The following PIP5K1B variants were observed in gnomAD, a reference collection of about 807,000 sequenced individuals.
PIP5K1B encodes phosphatidylinositol 4-phosphate 5-kinase type-1 beta.
PIP5K1B carries 42 observed loss-of-function variants against 67.0 expected under a neutral mutation model. The ratio of observed to expected loss-of-function variants is 0.63; its 90% CI spans 0.49 to 0.81. The LOEUF (loss-of-function observed/expected upper bound fraction) is 0.81, where lower values mean the gene tolerates loss of function less well. PIP5K1B is among the 30% of genes least tolerant of loss of function. The pLI is 0.00. For missense variants in PIP5K1B, 459 were observed against 646.3 expected, an observed-to-expected ratio of 0.71 and a Z score of 3.14; for synonymous variants, 214 against 231.4, an observed-to-expected ratio of 0.92 and a Z score of 0.68.
intron 2 of PIP5K1B, among the ~76,000 whole-genome samples, chr9:68,801,556 C>G (rs1047931797): frequency 1.2e-4 from 18 of 152,056 alleles, no homozygotes; most frequent in African/African-American, 4.1e-4. Flanking sequence ...TTCGTACTTT[C>G]AAAACCACAG....
At chr9:68,863,407 A>T (rs1376445426) in intron 4 of PIP5K1B, among the ~76,000 whole-genome samples, 1 of 152,100 alleles carries the variant, frequency 6.6e-6, no homozygotes, top group East Asian at 1.9e-4. Context: ...ATACTCATAC[A>T]CACACACATA....
At chr9:68,816,209 T>G (rs530134555) in intron 2 of PIP5K1B, among the ~76,000 whole-genome samples, 1 of 152,030 alleles carries the variant, frequency 6.6e-6, no homozygotes, top group Non-Finnish European at 1.5e-5. Flanking sequence ...GCTCACTACA[T>G]CCTCTGCCTC....
chr9:68,940,875 GTC>G (rs1167131665), intron 14 of PIP5K1B, 85 bp downstream of exon 14: 39 of 1,236,982 alleles, frequency 3.2e-5, no homozygotes, highest in Non-Finnish European at 4.5e-5. Flanking sequence ...ATGAGGACAC[GTC>G]TCTAACAACC....
rs189455489 is a variant in PIP5K1B, at chr9:68,944,757, G to T, written c.1502+3967G>T. Among the ~76,000 whole-genome samples, 6 of 152,230 alleles carry T rather than the reference G, an allele frequency of 3.9e-5. No homozygotes were observed. In the East Asian group the frequency reaches 1.2e-3, roughly 29 times the overall value. ...GTGTCATAAACCTAGAACAGGGGTGGAAACACTCTAACCAGAAGCCCTTCC... is the reference window on the plus strand; with the variant it reads ...GTGTCATAAACCTAGAACAGGGGTGTAAACACTCTAACCAGAAGCCCTTCC... On this transcript the variant is annotated intron_variant, in intron 14 of 15. Coordinates refer to ENST00000265382, the MANE Select transcript of PIP5K1B (RefSeq NM_003558.4).
chr9:68,985,814 T>G (rs897637228), intron 14 of PIP5K1B, among the ~76,000 whole-genome samples: 7 of 152,250 alleles, frequency 4.6e-5, no homozygotes, highest in Non-Finnish European at 8.8e-5. Flanking sequence ...CTTTTCTGTC[T>G]CCTTAGATTT....
At chr9:68,811,295 C>T (rs957264247) in intron 2 of PIP5K1B, among the ~76,000 whole-genome samples, 6 of 152,074 alleles carry the variant, frequency 3.9e-5, no homozygotes, top group Admixed American at 1.3e-4. Context: ...ATCATTGGGT[C>T]GTTTGTCCTT....
In PIP5K1B at chr9:68,801,352, C is replaced by T. The variant is rs959171519; in HGVS notation, c.-85-17109C>T. Among the ~76,000 whole-genome samples, 26 of 152,132 alleles carry T rather than the reference C, an allele frequency of 1.7e-4. No homozygotes were observed. In the East Asian group the frequency reaches 4.6e-3, roughly 27 times the overall value. On this transcript the variant is annotated intron_variant, in intron 2 of 15. Transcript: ENST00000265382. ...TTTCATATTGGATTGCTAATAATCACAACAATGCTAAATACTTCCTGGATT... is the reference window on the plus strand; with the variant it reads ...TTTCATATTGGATTGCTAATAATCATAACAATGCTAAATACTTCCTGGATT...
At chr9:68,818,948 C>T (rs189517088) in intron 3 of PIP5K1B, among the ~76,000 whole-genome samples, 1 of 152,172 alleles carries the variant, frequency 6.6e-6, no homozygotes, top group African/African-American at 2.4e-5. Flanking sequence ...GTCTTTCCTC[C>T]TTCCTTTTAT....
intron 12 of PIP5K1B, among the ~76,000 whole-genome samples, chr9:68,933,263 A>G (rs780497657): frequency 3.3e-5 from 5 of 149,676 alleles, no homozygotes; most frequent in African/African-American, 4.9e-5. Context: ...TGTTCAGCAC[A>G]TGTATCCCAG....
At chr9:68,708,070 C>T (rs1320498534) in intron 1 of PIP5K1B, 2 of 152,180 alleles carry the variant, frequency 1.3e-5, no homozygotes, top group East Asian at 3.8e-4. Context: ...CCCTTCCCCC[C>T]TTTACTACAT....
At chr9:68,712,994 T>G (rs1359782793) in intron 1 of PIP5K1B, among the ~76,000 whole-genome samples, 2 of 152,246 alleles carry the variant, frequency 1.3e-5, no homozygotes, top group African/African-American at 4.8e-5. Context: ...TGGTATTTAT[T>G]TGAACATCAG....
intron 2 of PIP5K1B, among the ~76,000 whole-genome samples, chr9:68,797,440 T>C (rs1367173255): frequency 6.6e-6 from 1 of 152,232 alleles, no homozygotes; most frequent in Non-Finnish European, 1.5e-5. Flanking sequence ...ATTTAAAACA[T>C]TTGGAGTAAG....
intron 15 of PIP5K1B, among the ~76,000 whole-genome samples, chr9:69,001,500 G>A (rs745555569): frequency 1.3e-5 from 2 of 152,116 alleles, no homozygotes; most frequent in African/African-American, 2.4e-5. Flanking sequence ...ATAAAGGAAA[G>A]CGGTTTAATT....
chr9:68,856,066 A>G (rs1435421687), intron 4 of PIP5K1B, among the ~76,000 whole-genome samples: 1 of 151,944 alleles, frequency 6.6e-6, no homozygotes, highest in Non-Finnish European at 1.5e-5. Flanking sequence ...CTGCTACGCT[A>G]AGTAGCAGCC....
intron 2 of PIP5K1B, among the ~76,000 whole-genome samples, chr9:68,804,846 G>C (rs969711893): frequency 6.6e-6 from 1 of 152,204 alleles, no homozygotes; most frequent in Admixed American, 6.5e-5. Flanking sequence ...ACTTGGAGTT[G>C]TTGGAAGAAT....
intron 1 of PIP5K1B, among the ~76,000 whole-genome samples, chr9:68,711,321 T>C (rs548971685): frequency 5.9e-5 from 9 of 152,364 alleles, no homozygotes; most frequent in African/African-American, 2.2e-4. Context: ...CTTGATCATA[T>C]GTTTGGTAAT....
chr9:68,923,750 G>A (rs994045623), intron 12 of PIP5K1B, among the ~76,000 whole-genome samples: 1 of 152,120 alleles, frequency 6.6e-6, no homozygotes, highest in Non-Finnish European at 1.5e-5. Context: ...TACCTTAAAT[G>A]CACAGCAGAA....
chr9:68,844,442 C>G (rs1265689072), intron 4 of PIP5K1B, among the ~76,000 whole-genome samples: 3 of 152,096 alleles, frequency 2.0e-5, no homozygotes, highest in East Asian at 3.9e-4. Flanking sequence ...GCAGCAGGAG[C>G]CAATAATCGT....
In PIP5K1B at chr9:68,941,721, A is replaced by T. The variant is rs147683218; in HGVS notation, c.1502+931A>T. Among the ~76,000 whole-genome samples, 1,017 of 152,318 alleles carry T rather than the reference A, an allele frequency of 6.7e-3. 12 individuals carry two copies. The highest frequency in any genetic ancestry group is 0.023 in the African/African-American group (973 of 41,586). ...TTCCTTACGCTTTAAGTCATTTTCC[A>T]TCTCCAGGCTAGCAGTTCAGTTGAT... On this transcript the variant is annotated intron_variant, in intron 14 of 15. Coordinates refer to ENST00000265382, the MANE Select transcript of PIP5K1B (RefSeq NM_003558.4).
Sources: gnomAD v4.1 joint callset for allele counts (sites outside exome capture counted in the v4.1 genomes callset) on GRCh38, gnomAD v4.1.1 for gene constraint, MANE v1.5 for transcripts, NCBI Gene and HGNC (gene_info 2026-07-23, HGNC 2026-07-21) for gene names.